Variants in ZBTB7C observed in about 807,000 individuals in gnomAD.
ZBTB7C encodes the protein zinc finger and BTB domain-containing protein 7C.
ZBTB7C carries 8 observed loss-of-function variants against 25.7 expected under a neutral mutation model. The observed-to-expected ratio is 0.31, with a 90% CI of 0.18 to 0.56. ZBTB7C has a LOEUF of 0.56. ZBTB7C is among the 20% of genes least tolerant of loss of function. The pLI, the probability that ZBTB7C is intolerant of heterozygous loss-of-function variation, is 0.91. For missense variants in ZBTB7C, 824 were observed against 855.2 expected (o/e 0.96, Z 0.46); for synonymous variants, 394 against 369.0 (o/e 1.07, Z -0.78).
chr18:48,170,301 A>G (rs1056960304), intron 3 of ZBTB7C, among the ~76,000 whole-genome samples: 7 of 152,234 alleles, frequency 4.6e-5, no homozygotes, highest in Non-Finnish European at 1.0e-4. Flanking sequence ...GCTAACTAGT[A>G]TCCAGTCTTC....
intron 3 of ZBTB7C, among the ~76,000 whole-genome samples, chr18:48,105,112 C>A (rs1288481819): frequency 1.3e-5 from 2 of 152,216 alleles, no homozygotes; most frequent in African/African-American, 4.8e-5. Context: ...ATGTATGCTC[C>A]AGTCCTTTCG....
At chr18:48,263,295 G>A (rs1043571527) in intron 2 of ZBTB7C, among the ~76,000 whole-genome samples, 1 of 152,232 alleles carries the variant, frequency 6.6e-6, no homozygotes, top group Non-Finnish European at 1.5e-5. Context: ...ACACTTGCAA[G>A]TAGCACCACT....
At chr18:48,092,094 T>G (rs1261866722) in intron 3 of ZBTB7C, among the ~76,000 whole-genome samples, 1 of 152,192 alleles carries the variant, frequency 6.6e-6, no homozygotes, top group East Asian at 1.9e-4. Context: ...AAGGGCACCA[T>G]CCACCCAATC....
At chr18:48,297,110 T>C (rs2045417051) in intron 2 of ZBTB7C, among the ~76,000 whole-genome samples, 1 of 151,950 alleles carries the variant, frequency 6.6e-6, no homozygotes, top group African/African-American at 2.4e-5. Context: ...TAGGGGCTGC[T>C]GGTCTAGAGA....
chr18:48,179,386 T>C (rs1016999399), intron 3 of ZBTB7C, among the ~76,000 whole-genome samples: 2 of 152,130 alleles, frequency 1.3e-5, no homozygotes, highest in Admixed American at 1.3e-4. Flanking sequence ...CAGCCAGCTG[T>C]GGAGAAAGAC....
chr18:48,280,143 A>T (rs2044791538), intron 2 of ZBTB7C, among the ~76,000 whole-genome samples: 1 of 152,158 alleles, frequency 6.6e-6, no homozygotes, highest in Non-Finnish European at 1.5e-5. Flanking sequence ...AGCACAGCCA[A>T]GGAGCATGTA....
At chr18:48,145,197 T>G (rs1011187982) in intron 3 of ZBTB7C, among the ~76,000 whole-genome samples, 4 of 152,206 alleles carry the variant, frequency 2.6e-5, no homozygotes, top group Admixed American at 1.3e-4. Flanking sequence ...TGGCACAAAC[T>G]CTGTCTGCTT....
Position 48,028,948 on chromosome 18 carries a change from G to C in ZBTB7C, c.*312C>G, listed in dbSNP as rs1314991523. 6 of 364,150 alleles carry C rather than the reference G, an allele frequency of 1.6e-5. No individual in the cohort carries two copies. The highest frequency in any genetic ancestry group is 4.4e-5 in the African/African-American group (2 of 45,264). 22.6% of individuals were successfully genotyped at this position (364,150 alleles called of 1,614,324 possible). A position where few individuals can be genotyped will look rare whatever the true frequency, so the allele number is the denominator to read the frequency against. ...CCCCTGACCCCTCATGACTCACCCA[G>C]CTCCTAAGTGCCCCTGGGCACCCAG... On this transcript the variant is annotated 3_prime_UTR_variant, in exon 5 of 5. Coordinates refer to ENST00000590800, the MANE Select transcript of ZBTB7C (RefSeq NM_001318841.2).
chr18:48,153,187 TAATTG>T (rs1371755887), intron 3 of ZBTB7C, among the ~76,000 whole-genome samples: 1 of 152,256 alleles, frequency 6.6e-6, no homozygotes, highest in Non-Finnish European at 1.5e-5. Context: ...TTATCCAGGC[TAATTG>T]TTCATTAGAT....
intron 2 of ZBTB7C, among the ~76,000 whole-genome samples, chr18:48,255,863 A>G (rs2044006975): frequency 6.6e-6 from 1 of 152,214 alleles, no homozygotes; most frequent in African/African-American, 2.4e-5. Flanking sequence ...ATCCAATAAC[A>G]GCAGATAAGA....
At chr18:48,048,749 C>T (rs888003159) in intron 3 of ZBTB7C, among the ~76,000 whole-genome samples, 3 of 152,156 alleles carry the variant, frequency 2.0e-5, no homozygotes, top group African/African-American at 4.8e-5. Context: ...CAGAGATCTA[C>T]GCTATTGAAG....
chr18:48,077,768 C>T (rs1009962632), intron 3 of ZBTB7C, among the ~76,000 whole-genome samples: 1 of 152,174 alleles, frequency 6.6e-6, no homozygotes, highest in Admixed American at 6.5e-5. Context: ...GTCTTATCAT[C>T]ATCACCTCTC....
At chr18:48,394,082 G>T (rs754684552) in intron 1 of ZBTB7C, among the ~76,000 whole-genome samples, 2 of 152,036 alleles carry the variant, frequency 1.3e-5, no homozygotes, top group Non-Finnish European at 2.9e-5. Flanking sequence ...CCATAGTTCA[G>T]CTATTTAATT....
intron 1 of ZBTB7C, among the ~76,000 whole-genome samples, chr18:48,407,075 C>G (rs1317061732): frequency 1.3e-5 from 2 of 152,316 alleles, no homozygotes; most frequent in East Asian, 3.9e-4. Context: ...TGTTTAATGG[C>G]TGTGTCAAAT....
chr18:48,177,941 T>C (rs905908753), intron 3 of ZBTB7C, among the ~76,000 whole-genome samples: 2 of 152,148 alleles, frequency 1.3e-5, no homozygotes, highest in African/African-American at 4.8e-5. Context: ...GCTGTATCCC[T>C]GGACCAGAGG....
At chr18:48,340,458 C>T (rs1023275533) in intron 1 of ZBTB7C, among the ~76,000 whole-genome samples, 4 of 152,216 alleles carry the variant, frequency 2.6e-5, no homozygotes, top group East Asian at 1.9e-4. Context: ...CGCTCTTTGT[C>T]CCAGGCTGTC....
At chr18:48,248,810 A>G (rs4940348) in intron 2 of ZBTB7C, among the ~76,000 whole-genome samples, 125,768 of 152,102 alleles carry the variant, frequency 0.83, 53,458 homozygotes, top group Non-Finnish European at 0.94. Flanking sequence ...AGAAGTACTC[A>G]CAGATTGAGA....
rs545023005 is a variant in ZBTB7C, at chr18:48,033,837, C to T, written c.1209-3926G>A. Among the ~76,000 whole-genome samples the T allele has an allele frequency of 2.0e-5, 3 of 152,276 alleles. No homozygotes were observed. In the East Asian group the frequency reaches 5.8e-4, roughly 29 times the overall value. ...GTGGATACTGTGACGTGCATTGGAG[C>T]TGGAGGTGGTGCCGGGCACACTCCA... On this transcript the variant is annotated intron_variant, in intron 4 of 4. Coordinates refer to ENST00000590800, the MANE Select transcript of ZBTB7C (RefSeq NM_001318841.2).
intron 1 of ZBTB7C, among the ~76,000 whole-genome samples, chr18:48,342,123 C>T (rs1396582455): frequency 3.3e-5 from 5 of 152,200 alleles, no homozygotes; most frequent in Non-Finnish European, 7.3e-5. Context: ...ATCTTTCTTC[C>T]CTCTCCCAAC....
Sources: gnomAD v4.1 joint callset for allele counts (sites outside exome capture counted in the v4.1 genomes callset) on GRCh38, gnomAD v4.1.1 for gene constraint, MANE v1.5 for transcripts, NCBI Gene and HGNC (gene_info 2026-07-23, HGNC 2026-07-21) for gene names.